The following ZFAND3 variants were observed in gnomAD, a reference collection of about 807,000 sequenced individuals.
ZFAND3 encodes AN1-type zinc finger protein 3.
ZFAND3 carries 10 observed loss-of-function variants against 29.6 expected under a neutral mutation model. The observed-to-expected ratio is 0.34, with a 90% CI of 0.21 to 0.57. The LOEUF (loss-of-function observed/expected upper bound fraction) is 0.57. Among genes scored for constraint, ZFAND3 ranks in the 20% least tolerant of loss-of-function variants. ZFAND3 has a pLI of 0.86. For synonymous variants in ZFAND3, 128 were observed against 112.6 expected (o/e 1.14, Z -0.87); for missense variants, 230 against 304.5 (o/e 0.76, Z 1.82).
intron 4 of ZFAND3, among the ~76,000 whole-genome samples, chr6:38,095,094 T>C (rs1343853308): frequency 1.3e-5 from 2 of 152,198 alleles, no homozygotes; most frequent in Admixed American, 1.3e-4. Context: ...GCCCAATATA[T>C]GACATTTACA....
chr6:37,960,697 C>T (rs1355972469), intron 2 of ZFAND3, among the ~76,000 whole-genome samples: 1 of 152,192 alleles, frequency 6.6e-6, no homozygotes, highest in African/African-American at 2.4e-5. Context: ...GAAACAGAAA[C>T]TTCTCTCATC....
At chr6:38,099,236 TC>T (rs1411714232) in intron 4 of ZFAND3, among the ~76,000 whole-genome samples, 2 of 152,190 alleles carry the variant, frequency 1.3e-5, no homozygotes, top group Non-Finnish European at 2.9e-5. Flanking sequence ...GCCAATAAAT[TC>T]ACTGGTTTAT....
At chr6:37,989,601 G>A (rs1394250834) in intron 2 of ZFAND3, among the ~76,000 whole-genome samples, 1 of 152,050 alleles carries the variant, frequency 6.6e-6, no homozygotes, top group Non-Finnish European at 1.5e-5. Flanking sequence ...AATTTTGGGG[G>A]GACACAAACA....
intron 1 of ZFAND3, among the ~76,000 whole-genome samples, chr6:37,827,240 TGTA>T (rs1465199405): frequency 2.6e-5 from 4 of 152,238 alleles, no homozygotes; most frequent in Non-Finnish European, 4.4e-5. Context: ...GGAATTATAA[TGTA>T]GTCTGTAATT....
At chr6:38,089,222 A>C (rs1429915118) in intron 4 of ZFAND3, among the ~76,000 whole-genome samples, 3 of 151,946 alleles carry the variant, frequency 2.0e-5, no homozygotes, top group Non-Finnish European at 4.4e-5. Flanking sequence ...TCCCGGGTTC[A>C]AGTTATTCTC....
chr6:38,103,498 TATATATATACACGTGTATATATACAC>T (rs146673248), intron 4 of ZFAND3, among the ~76,000 whole-genome samples: 705 of 27,636 alleles, frequency 0.026, 16 homozygotes, highest in Non-Finnish European at 0.06. Flanking sequence ...TATACACGTG[TATATATATACACGTGTATATATACAC>T]ATATATATAC....
At chr6:37,998,805 T>G (rs1467565232) in intron 2 of ZFAND3, among the ~76,000 whole-genome samples, 1 of 152,150 alleles carries the variant, frequency 6.6e-6, no homozygotes, top group Non-Finnish European at 1.5e-5. Flanking sequence ...GAATGGTCCA[T>G]GTGGTAATGA....
intron 2 of ZFAND3, among the ~76,000 whole-genome samples, chr6:38,047,863 G>T (rs1219762829): frequency 1.3e-5 from 2 of 151,904 alleles, no homozygotes; most frequent in African/African-American, 4.8e-5. Context: ...TATAAAGCCT[G>T]TAGATTATAG....
At chr6:37,864,528 A>G (rs1324682144) in intron 1 of ZFAND3, among the ~76,000 whole-genome samples, 1 of 152,172 alleles carries the variant, frequency 6.6e-6, no homozygotes, top group East Asian at 1.9e-4. Flanking sequence ...AGTAGTAACC[A>G]TAATTCTAAA....
At chr6:37,990,387 A>G (rs17581892) in intron 2 of ZFAND3, among the ~76,000 whole-genome samples, 2,868 of 152,238 alleles carry the variant, frequency 0.019, 43 homozygotes, top group Non-Finnish European at 0.032. Context: ...AACCCAGGGT[A>G]TGTACTTCCT....
intron 1 of ZFAND3, among the ~76,000 whole-genome samples, chr6:37,835,436 C>A (rs1447219702): frequency 6.7e-6 from 1 of 149,416 alleles, no homozygotes; most frequent in Admixed American, 6.7e-5. Context: ...GGATTACAGG[C>A]GTGAGCCACC....
intron 5 of ZFAND3, among the ~76,000 whole-genome samples, chr6:38,121,293 T>C (rs1562007107): frequency 6.6e-6 from 1 of 152,192 alleles, no homozygotes; most frequent in African/African-American, 2.4e-5. Context: ...GGAGGATGGC[T>C]TTCAGCCCAG....
intron 2 of ZFAND3, 151 bp downstream of exon 2, chr6:37,930,150 C>G: frequency 2.7e-6 from 2 of 729,984 alleles, no homozygotes; most frequent in Non-Finnish European, 4.2e-6. Flanking sequence ...TTTCACCTTA[C>G]CAAGGTGCTT....
At chr6:37,984,919 A>G (rs979702388) in intron 2 of ZFAND3, among the ~76,000 whole-genome samples, 4 of 152,228 alleles carry the variant, frequency 2.6e-5, no homozygotes, top group Non-Finnish European at 4.4e-5. Flanking sequence ...TCATGGGGCT[A>G]CTGCAGCAGT....
chr6:38,120,622 G>C (rs374194076), intron 5 of ZFAND3, among the ~76,000 whole-genome samples: 1 of 152,020 alleles, frequency 6.6e-6, no homozygotes, highest in Non-Finnish European at 1.5e-5. Context: ...CACCACGCCC[G>C]GCCTTCTTGG....
chr6:38,124,458 C>T (rs140074753), intron 5 of ZFAND3, among the ~76,000 whole-genome samples: 4,968 of 152,308 alleles, frequency 0.033, 216 homozygotes, highest in African/African-American at 0.096. Flanking sequence ...GCATGGCGGG[C>T]TGCAGGTCCT....
chr6:37,902,204 A>G (rs1765330458), intron 1 of ZFAND3, among the ~76,000 whole-genome samples: 1 of 152,152 alleles, frequency 6.6e-6, no homozygotes, highest in East Asian at 1.9e-4. Context: ...ATCCCAGGAC[A>G]TTGGGAGGCC....
chr6:37,867,829 A>T (rs1226920547), intron 1 of ZFAND3, among the ~76,000 whole-genome samples: 18 of 152,212 alleles, frequency 1.2e-4, no homozygotes. Context: ...GAGATAGTGT[A>T]CTATAGTGAA....
intron 2 of ZFAND3, among the ~76,000 whole-genome samples, chr6:38,045,608 A>G (rs1763887717): frequency 6.6e-6 from 1 of 152,148 alleles, no homozygotes; most frequent in African/African-American, 2.4e-5. Context: ...ACAGATATAA[A>G]TATATATTAT....
Sources: gnomAD v4.1 joint callset for allele counts (sites outside exome capture counted in the v4.1 genomes callset) on GRCh38, gnomAD v4.1.1 for gene constraint, MANE v1.5 for transcripts, NCBI Gene and HGNC (gene_info 2026-07-23, HGNC 2026-07-21) for gene names.